Variants in STPG2 observed in about 807,000 individuals in gnomAD.
STPG2 encodes sperm-tail PG-rich repeat-containing protein 2.
In STPG2, 56 loss-of-function variants were observed where a neutral mutation model predicts 54.2. That is an observed-to-expected ratio of 1.03 (90% CI 0.83 to 1.29). STPG2 has a LOEUF of 1.29. STPG2 is among the 50% of genes most tolerant of loss of function. The pLI is 0.00. For missense variants in STPG2, 596 were observed against 544.9 expected, an observed-to-expected ratio of 1.09 and a Z score of -0.93; for synonymous variants, 200 against 181.8, an observed-to-expected ratio of 1.10 and a Z score of -0.81.
intron 8 of STPG2, among the ~76,000 whole-genome samples, chr4:97,862,627 A>T (rs1160461450): frequency 1.3e-5 from 2 of 152,128 alleles, no homozygotes; most frequent in Admixed American, 1.3e-4. Context: ...GTCCACCCCA[A>T]ATCAAAAGAA....
intron 5 of STPG2, among the ~76,000 whole-genome samples, chr4:98,050,055 T>A (rs1453241309): frequency 6.6e-6 from 1 of 152,156 alleles, no homozygotes; most frequent in Admixed American, 6.5e-5. Context: ...AGAGGAAGCA[T>A]ATGTATTTTT....
intron 9 of STPG2, among the ~76,000 whole-genome samples, chr4:97,762,749 T>G (rs1725925338): frequency 6.6e-6 from 1 of 152,180 alleles, no homozygotes; most frequent in African/African-American, 2.4e-5. Flanking sequence ...TCAAGAATGC[T>G]TTGATTTCTT....
chr4:97,520,980 CAA>C (rs2148847030), intron 4 of STPG2, among the ~76,000 whole-genome samples: 1 of 151,830 alleles, frequency 6.6e-6, no homozygotes, highest in East Asian at 1.9e-4. Flanking sequence ...TTCTTTAAAA[CAA>C]AGGAGTCTGA....
intron 9 of STPG2, among the ~76,000 whole-genome samples, chr4:97,795,502 C>T (rs1727138416): frequency 6.6e-6 from 1 of 152,174 alleles, no homozygotes. Flanking sequence ...CAGCTTCATC[C>T]ATGTCCCTAC....
At chr4:97,752,652 C>T (rs1044835868) in intron 9 of STPG2, among the ~76,000 whole-genome samples, 2 of 151,734 alleles carry the variant, frequency 1.3e-5, no homozygotes, top group Admixed American at 6.6e-5. Flanking sequence ...AATCCCATAC[C>T]ACTTTACATT....
At chr4:97,970,312 T>C (rs1734279220) in intron 7 of STPG2, among the ~76,000 whole-genome samples, 1 of 152,150 alleles carries the variant, frequency 6.6e-6, no homozygotes, top group South Asian at 2.1e-4. Flanking sequence ...AAAACTATTT[T>C]AAAGCTCATA....
intron 8 of STPG2, among the ~76,000 whole-genome samples, chr4:97,863,393 C>G (rs1400819027): frequency 6.6e-6 from 1 of 152,002 alleles, no homozygotes; most frequent in Non-Finnish European, 1.5e-5. Context: ...CAAGACTAAG[C>G]CAGGAAGAAG....
At chr4:97,974,641 A>G (rs783955) in intron 6 of STPG2, among the ~76,000 whole-genome samples, 127,452 of 152,110 alleles carry the variant, frequency 0.84, 53,569 homozygotes, top group Middle Eastern at 0.94. Context: ...CACAAGATCT[A>G]ATGGTTTTAA....
At chr4:97,575,244 A>G (rs1732695750) in intron 10 of STPG2, among the ~76,000 whole-genome samples, 1 of 151,976 alleles carries the variant, frequency 6.6e-6, no homozygotes, top group Non-Finnish European at 1.5e-5. Flanking sequence ...TTCTGAAACC[A>G]TTCTGAAAAA....
chr4:97,998,264 A>G (rs13133355), intron 5 of STPG2, among the ~76,000 whole-genome samples: 60,677 of 151,900 alleles, frequency 0.4, 12,284 homozygotes, highest in Middle Eastern at 0.46. Flanking sequence ...CTTAACATGC[A>G]TATGTTCCAC....
chr4:97,943,819 T>C lies in STPG2; in HGVS notation c.1044+78A>G, dbSNP rs377127074. 1.3e-5 allele frequency: 14 copies of C among 1,082,436 alleles called. No homozygotes were observed. The East Asian group carries it at 3.0e-4, about 23-fold the overall frequency. The allele number at this position is 1,082,436 out of a possible 1,614,324, so 67.1% of individuals were successfully genotyped here. ...GCTACCAGTTACCTCACTCAGGTCC[T>C]AATATAATGTTTATGTTATGCAGCC... On this transcript the variant is annotated intron_variant, in intron 8 of 10. Coordinates refer to ENST00000295268, the MANE Select transcript of STPG2 (RefSeq NM_174952.3).
chr4:97,887,351 G>A (rs1016432110), intron 8 of STPG2, among the ~76,000 whole-genome samples: 1 of 152,170 alleles, frequency 6.6e-6, no homozygotes, highest in Non-Finnish European at 1.5e-5. Flanking sequence ...TGAAGGTCAG[G>A]TTGACAAGAT....
chr4:97,761,390 T>C (rs969323376), intron 9 of STPG2, among the ~76,000 whole-genome samples: 2 of 152,102 alleles, frequency 1.3e-5, no homozygotes, highest in African/African-American at 4.8e-5. Context: ...AGAGATGAGA[T>C]TGATGCACCT....
intron 7 of STPG2, among the ~76,000 whole-genome samples, chr4:97,966,307 A>C (rs1196195644): frequency 6.6e-6 from 1 of 150,648 alleles, no homozygotes; most frequent in Non-Finnish European, 1.5e-5. Flanking sequence ...AAATAAAGTG[A>C]GAAGACAAGT....
chr4:98,065,908 A>T (rs2110103024), intron 5 of STPG2, among the ~76,000 whole-genome samples: 1 of 152,224 alleles, frequency 6.6e-6, no homozygotes, highest in East Asian at 1.9e-4. Context: ...TGATACACCT[A>T]CCTAGAGAAG....
intron 10 of STPG2, among the ~76,000 whole-genome samples, chr4:97,561,920 G>A (rs957675053): frequency 6.6e-6 from 1 of 152,118 alleles, no homozygotes; most frequent in East Asian, 1.9e-4. Flanking sequence ...ACTTGGCTAT[G>A]CGGGCTCTTT....
chr4:97,576,754 C>T (rs1275893940), intron 10 of STPG2, among the ~76,000 whole-genome samples: 3 of 152,028 alleles, frequency 2.0e-5, no homozygotes, highest in Non-Finnish European at 2.9e-5. Context: ...AGTGGTACCT[C>T]ATTAAATTAA....
chr4:97,483,073 C>A (rs1479470914), intron 4 of STPG2, among the ~76,000 whole-genome samples: 1 of 151,612 alleles, frequency 6.6e-6, no homozygotes, highest in Non-Finnish European at 1.5e-5. Flanking sequence ...AGTCTTGAAA[C>A]AAATTCTGGA....
At chr4:97,507,067 T>C (rs1438190639) in intron 4 of STPG2, among the ~76,000 whole-genome samples, 1 of 152,042 alleles carries the variant, frequency 6.6e-6, no homozygotes, top group Non-Finnish European at 1.5e-5. Flanking sequence ...AGCATGTGCC[T>C]ATCATCCCAG....
Sources: gnomAD v4.1 joint callset for allele counts (sites outside exome capture counted in the v4.1 genomes callset) on GRCh38, gnomAD v4.1.1 for gene constraint, MANE v1.5 for transcripts, NCBI Gene and HGNC (gene_info 2026-07-23, HGNC 2026-07-21) for gene names.